Variants in LBP observed in about 807,000 individuals in gnomAD.
The protein encoded by LBP is lipopolysaccharide-binding protein.
A neutral mutation model predicts 56.6 loss-of-function variants in LBP; 53 were observed. The observed-to-expected ratio is 0.94, with a 90% CI of 0.75 to 1.18. The LOEUF (loss-of-function observed/expected upper bound fraction) is 1.18. LBP is among the 50% of genes most tolerant of loss of function. LBP has a pLI of 0.00. For missense variants in LBP, 601 were observed against 598.3 expected (o/e 1.00, Z -0.05); for synonymous variants, 227 against 247.5 (o/e 0.92, Z 0.78).
chr20:38,353,830 C>T (rs536302069), intron 3 of LBP, among the ~76,000 whole-genome samples: 3 of 152,146 alleles, frequency 2.0e-5, no homozygotes, highest in African/African-American at 7.2e-5. Flanking sequence ...TTATTTTGTA[C>T]TGCATTTCCT....
chr20:38,347,371 T>C (rs112363124), intron 1 of LBP, among the ~76,000 whole-genome samples: 6,263 of 151,752 alleles, frequency 0.041, 191 homozygotes, highest in South Asian at 0.086. Context: ...TGGTGAAGCC[T>C]CGCCTCTCCT....
chr20:38,347,955 G>A (rs1004593987), intron 1 of LBP, among the ~76,000 whole-genome samples: 22 of 152,206 alleles, frequency 1.4e-4, no homozygotes, highest in African/African-American at 5.1e-4. Context: ...ACTGGCTCGA[G>A]ACAGGCAGAG....
In LBP at chr20:38,348,856, C is replaced by T. The variant is rs573048241; in HGVS notation, c.125-692C>T. On this transcript the variant is annotated intron_variant, in intron 1 of 14. Coordinates refer to ENST00000217407, the MANE Select transcript of LBP (RefSeq NM_004139.5). ...TCGCCCAGGCTAGAGTGCGGTAGTG[C>T]GATCTCGGCTCACTGCAATCTCTGC... 1.1e-3 allele frequency among the ~76,000 whole-genome samples: 173 copies of T among 151,974 alleles called. No individual in the cohort carries two copies. The Middle Eastern group carries it at 0.027, about 24-fold the overall frequency.
rs2076854941 is a variant in LBP, at chr20:38,360,250, A to C, written c.589-454A>C. Among the ~76,000 whole-genome samples the C allele has an allele frequency of 3.0e-5, 4 of 135,352 alleles. No individual in the cohort carries two copies. In the South Asian group the frequency reaches 1.1e-3, roughly 36 times the overall value. The allele number at this position is 135,352 out of a possible 152,430, so 88.8% of individuals were successfully genotyped here. On this transcript the variant is annotated intron_variant, in intron 5 of 14. Transcript: ENST00000217407. ...ACTCCAGCCTGGCCAACAGGGCGAG[A>C]CTCCATCTCAAAAAAAAAAAAAAAC... is the stretch of plus-strand genomic sequence containing the variant.
intron 3 of LBP, 77 bp downstream of exon 3, chr20:38,351,016 C>A: frequency 6.5e-7 from 1 of 1,546,172 alleles, no homozygotes; most frequent in South Asian, 1.2e-5. Context: ...CCAAGGTGTT[C>A]CTAGCTTATC....
At chr20:38,362,986 A>G (rs1278977803) in intron 6 of LBP, among the ~76,000 whole-genome samples, 1 of 152,150 alleles carries the variant, frequency 6.6e-6, no homozygotes, top group Non-Finnish European at 1.5e-5. Context: ...AGGTCCATGC[A>G]TATTGTTGCA....
At chr20:38,371,920 C>G (rs1046155254) in intron 12 of LBP, among the ~76,000 whole-genome samples, 2 of 151,974 alleles carry the variant, frequency 1.3e-5, no homozygotes, top group Admixed American at 1.3e-4. Context: ...CAGCATGGAT[C>G]TCATCTACAC....
chr20:38,351,150 G>A (rs942879345), intron 3 of LBP, among the ~76,000 whole-genome samples: 3 of 152,242 alleles, frequency 2.0e-5, no homozygotes, highest in Non-Finnish European at 4.4e-5. Context: ...CAAAGGGGAC[G>A]GGCCTGCTTC....
chr20:38,362,181 C>T (rs1485683764), intron 6 of LBP, among the ~76,000 whole-genome samples: 5 of 149,740 alleles, frequency 3.3e-5, no homozygotes, highest in Non-Finnish European at 7.4e-5. Context: ...GTCTCAGCCT[C>T]GCGAGTAGCT....
chr20:38,364,520 C>T, intron 7 of LBP, 56 bp from the exon 8 acceptor site: 1 of 1,545,660 alleles, frequency 6.5e-7, no homozygotes, highest in Non-Finnish European at 8.9e-7. Flanking sequence ...GAATACCTAG[C>T]CCCTGCCCCA....
chr20:38,350,192 G>A (rs192827551), intron 2 of LBP, among the ~76,000 whole-genome samples: 163 of 152,276 alleles, frequency 1.1e-3, no homozygotes, highest in African/African-American at 3.7e-3. Flanking sequence ...AATCAGACTC[G>A]TAGCACATTG....
intron 6 of LBP, among the ~76,000 whole-genome samples, chr20:38,362,606 C>T (rs11536966): frequency 0.018 from 2,669 of 150,942 alleles, 34 homozygotes; most frequent in Non-Finnish European, 0.025. Context: ...GAACAAGACT[C>T]TGTCTCAACA....
At chr20:38,358,196 A>G (rs2076847827) in intron 5 of LBP, among the ~76,000 whole-genome samples, 1 of 152,220 alleles carries the variant, frequency 6.6e-6, no homozygotes, top group Admixed American at 6.5e-5. Context: ...CACCCTGGGA[A>G]GCACTTGGCC....
Position 38,352,481 on chromosome 20 carries a change from A to T in LBP, c.368+1542A>T, listed in dbSNP as rs137997224. 6.7e-3 allele frequency among the ~76,000 whole-genome samples: 1,021 copies of T among 152,358 alleles called. 7 individuals are homozygous for T. The highest frequency in any genetic ancestry group is 0.02 in the Middle Eastern group (6 of 294). ...ACAAACAAAAAAACAGCAGCTGAGC[A>T]CGGTGGCTCATGCCTGTAATCCCAG... On this transcript the variant is annotated intron_variant, in intron 3 of 14. Transcript: ENST00000217407.
chr20:38,364,636 C>G lies in LBP; in HGVS notation c.805C>G (p.Leu269Val), dbSNP rs1381147010. Residue 269 changes from leucine to valine, a missense_variant, in exon 8 of 15, where the codon CTT becomes GTT. Leu to Val is a conservative substitution (Grantham distance 32, BLOSUM62 1). Transcript: ENST00000217407. Reference protein sequence around the residue: ...PVTLLAAVMSLPEEHNKMVYF... With the variant: ...PVTLLAAVMSVPEEHNKMVYF... ...TACCCTCCTTGCTGCAGTCATGAGC[C>G]TTCCTGAGGAACACAACAAAATGGT... The G allele has an allele frequency of 6.2e-7, 1 of 1,614,118 alleles. No individual in the cohort carries two copies. The highest frequency in any genetic ancestry group is 8.5e-7 in the Non-Finnish European group (1 of 1,180,036).
intron 8 of LBP, 114 bp downstream of exon 8, chr20:38,364,866 A>G: frequency 3.1e-6 from 3 of 958,438 alleles, no homozygotes; most frequent in Non-Finnish European, 4.7e-6. Context: ...GCTAAGAGAA[A>G]AATCAACACC....
At chr20:38,346,976 A>G (rs1002655972) in intron 1 of LBP, among the ~76,000 whole-genome samples, 3 of 152,176 alleles carry the variant, frequency 2.0e-5, no homozygotes, top group Non-Finnish European at 4.4e-5. Flanking sequence ...CAATTAAACC[A>G]GCCACCACCT....
At chr20:38,365,418 C>T (rs893212819) in intron 8 of LBP, among the ~76,000 whole-genome samples, 2 of 150,754 alleles carry the variant, frequency 1.3e-5, no homozygotes, top group African/African-American at 4.9e-5. Flanking sequence ...TGAATGAGGC[C>T]GGGCAAGGTG....
intron 13 of LBP, among the ~76,000 whole-genome samples, chr20:38,373,623 T>C (rs1218339939): frequency 3.3e-5 from 5 of 152,224 alleles, no homozygotes; most frequent in African/African-American, 4.8e-5. Flanking sequence ...CCCTGTTCTT[T>C]ATCTTATCAT....
Sources: gnomAD v4.1 joint callset for allele counts (sites outside exome capture counted in the v4.1 genomes callset) on GRCh38, gnomAD v4.1.1 for gene constraint, MANE v1.5 for transcripts, NCBI Gene and HGNC (gene_info 2026-07-23, HGNC 2026-07-21) for gene names.